PER3: variants seen among roughly 807,000 people sequenced by gnomAD.
PER3 encodes the protein period circadian protein homolog 3.
Under a neutral mutation model 127.2 loss-of-function variants are expected in PER3, and 107 were observed. The observed-to-expected ratio is 0.84, with a 90% CI of 0.72 to 0.99. The LOEUF (loss-of-function observed/expected upper bound fraction) is 0.99. Among genes scored for constraint, PER3 ranks in the 50% least tolerant of loss-of-function variants. PER3 has a pLI of 0.00. For missense variants in PER3, 1,560 were observed against 1,525.8 expected (o/e 1.02, Z -0.37); for synonymous variants, 618 against 585.8 (o/e 1.05, Z -0.79).
Position 7,844,851 on chromosome 1 carries a change from T to A in PER3, c.*2096T>A, listed in dbSNP as rs1460023242. ...CTTAAACTTTGTTGTTTAAATTTGT[T>A]AACTTTTTATATTAATGACTATTGA... is the stretch of plus-strand genomic sequence containing the variant. On this transcript the variant is annotated 3_prime_UTR_variant, in exon 22 of 22. Transcript: ENST00000377532. The A allele has an allele frequency of 1.3e-5, 2 of 152,346 alleles. No individual in the cohort carries two copies. The highest frequency in any genetic ancestry group is 1.5e-5 in the Non-Finnish European group (1 of 68,044). 9.4% of individuals were successfully genotyped at this position (152,346 alleles called of 1,614,324 possible).
intron 11 of PER3, among the ~76,000 whole-genome samples, chr1:7,809,564 A>C (rs2097209876): frequency 6.6e-6 from 1 of 152,152 alleles, no homozygotes; most frequent in South Asian, 2.1e-4. Context: ...ATATATAGTT[A>C]GTTTGTTCTC....
At chr1:7,794,112 T>C (rs981112973) in intron 6 of PER3, 104 bp downstream of exon 6, 1 of 930,290 alleles carries the variant, frequency 1.1e-6, no homozygotes, top group South Asian at 1.3e-5. Flanking sequence ...TGTTGCGAGA[T>C]ACAAAAAATA....
At chr1:7,797,580 G>A (rs960529921) in intron 6 of PER3, among the ~76,000 whole-genome samples, 4 of 151,536 alleles carry the variant, frequency 2.6e-5, no homozygotes, top group Non-Finnish European at 5.9e-5. Context: ...AGGTTGCAGT[G>A]AGCCAAGATT....
rs767114073 is a variant in PER3, at chr1:7,788,134, T to C, written c.480T>C (p.Asp160=). 6.2e-7 allele frequency: 1 copy of C among 1,613,866 alleles called. No individual in the cohort carries two copies. Reference sequence around the variant, plus strand: ...CTTTGATCCTGAATCGTAAGAAAGATGTCCTGGCGTCTTCTCACTTTGTTG... The same window carrying C: ...CTTTGATCCTGAATCGTAAGAAAGACGTCCTGGCGTCTTCTCACTTTGTTG... The part of the protein sequence containing the change: ...QAALILNRKK[D]VLASSHFVDL... The change falls in exon 5 of 22, where the codon GAT becomes GAC. Residue 160 remains aspartate, a synonymous_variant. Transcript: ENST00000377532.
rs1460174293 is a variant in PER3 at position 7,788,611 on chromosome 1, T to C, written c.592+365T>C. 3.9e-5 allele frequency: 8 copies of C among 206,350 alleles called. No individual in the cohort carries two copies. The South Asian group carries it at 5.2e-4, about 13-fold the overall frequency. The allele number at this position is 206,350 out of a possible 1,614,324, so 12.8% of individuals were successfully genotyped here. A position where few individuals can be genotyped will look rare whatever the true frequency, so the allele number is the denominator to read the frequency against. ...AGAAATTTTACTTTGGAGATAAAAT[T>C]TGGATCATTAGGCTGGGCAAGGTGG... On this transcript the variant is annotated intron_variant, in intron 5 of 21. Coordinates refer to ENST00000377532, the MANE Select transcript of PER3 (RefSeq NM_001377275.1).
At chr1:7,812,775 G>A (rs78754941) in intron 13 of PER3, among the ~76,000 whole-genome samples, 2 of 152,168 alleles carry the variant, frequency 1.3e-5, no homozygotes, top group Non-Finnish European at 2.9e-5. Context: ...GGAGAAGAAG[G>A]AAGATCTCTT....
At chr1:7,817,674 T>C (rs2097257718) in intron 13 of PER3, among the ~76,000 whole-genome samples, 2 of 152,156 alleles carry the variant, frequency 1.3e-5, no homozygotes, top group Admixed American at 1.3e-4. Flanking sequence ...CAGTGTGGAC[T>C]CATGCCCCTT....
chr1:7,807,719 G>A (rs939730627), intron 10 of PER3, among the ~76,000 whole-genome samples: 3 of 152,108 alleles, frequency 2.0e-5, no homozygotes, highest in Non-Finnish European at 4.4e-5. Context: ...TATGCCTCAC[G>A]AATGGGACTT....
intron 6 of PER3, among the ~76,000 whole-genome samples, chr1:7,797,300 G>A (rs533675894): frequency 1.3e-5 from 2 of 152,258 alleles, no homozygotes; most frequent in East Asian, 3.9e-4. Context: ...AGTTGAGGGT[G>A]CAGAGTGGGA....
intron 21 of PER3, among the ~76,000 whole-genome samples, chr1:7,841,023 AG>A (rs1292826909): frequency 1.3e-5 from 2 of 152,236 alleles, no homozygotes; most frequent in African/African-American, 4.8e-5. Flanking sequence ...GCCTATACCA[AG>A]GGTGTCCAAT....
At chr1:7,786,458 T>TG (rs1361925215) in intron 3 of PER3, among the ~76,000 whole-genome samples, 1 of 151,868 alleles carries the variant, frequency 6.6e-6, no homozygotes, top group Non-Finnish European at 1.5e-5. Flanking sequence ...GCAAAAAAAT[T>TG]GTGTATGCAT....
At chr1:7,835,525 G>T (rs2097353786) in intron 19 of PER3, among the ~76,000 whole-genome samples, 1 of 152,176 alleles carries the variant, frequency 6.6e-6, no homozygotes, top group Admixed American at 6.5e-5. Context: ...TATGGGTGAT[G>T]ATAAAGGACA....
intron 13 of PER3, among the ~76,000 whole-genome samples, chr1:7,816,396 G>A (rs779906557): frequency 2.6e-5 from 4 of 152,148 alleles, no homozygotes; most frequent in Non-Finnish European, 5.9e-5. Context: ...CACCCTGAAC[G>A]TACCCAATCT....
chr1:7,806,840 A>AT (rs575726504), intron 10 of PER3, among the ~76,000 whole-genome samples: 5 of 114,352 alleles, frequency 4.4e-5, no homozygotes, highest in East Asian at 4.4e-4. Flanking sequence ...TATATATTAC[A>AT]TACACACACA....
chr1:7,787,437 T>C (rs183818582), intron 4 of PER3: 1 of 454,208 alleles, frequency 2.2e-6, no homozygotes, highest in South Asian at 1.7e-5. Flanking sequence ...CCTAGTATTA[T>C]AACAGTGCTT....
In PER3 at chr1:7,810,551, A is replaced by G; in HGVS notation, c.1485A>G (p.Thr495=). 4.3e-6 allele frequency: 7 copies of G among 1,613,364 alleles called. No homozygotes were observed. The highest frequency in any genetic ancestry group is 5.9e-6 in the Non-Finnish European group (7 of 1,179,880). ...SSFKPVTGTR[T]EPNGGGESAN... is the part of the protein sequence containing the mutation. Reference sequence around the variant, plus strand: ...TCAAGCCAGTGACGGGGACACGCACAGAACCGAATGGTGGTGGTGAGTCAG... The same window carrying G: ...TCAAGCCAGTGACGGGGACACGCACGGAACCGAATGGTGGTGGTGAGTCAG... Residue 495 remains threonine (T), a synonymous_variant, in exon 13 of 22, where the codon ACA becomes ACG. Transcript: ENST00000377532.
chr1:7,830,284 T>A, intron 19 of PER3, 123 bp downstream of exon 19: 2 of 853,206 alleles, frequency 2.3e-6, no homozygotes, highest in Non-Finnish European at 3.6e-6. Context: ...TTTTTCCCTT[T>A]TTCCTTTTTG....
chr1:7,793,355 C>T (rs971386063), intron 5 of PER3, among the ~76,000 whole-genome samples: 4 of 152,140 alleles, frequency 2.6e-5, no homozygotes, highest in African/African-American at 9.7e-5. Flanking sequence ...AATGGAATTG[C>T]TAGCAAATCA....
intron 21 of PER3, among the ~76,000 whole-genome samples, chr1:7,838,784 C>T (rs901197389): frequency 6.6e-6 from 1 of 152,204 alleles, no homozygotes; most frequent in Non-Finnish European, 1.5e-5. Context: ...CTCTTGGTTA[C>T]TATCTGCATG....
Sources: gnomAD v4.1 joint callset for allele counts (sites outside exome capture counted in the v4.1 genomes callset) on GRCh38, gnomAD v4.1.1 for gene constraint, MANE v1.5 for transcripts, NCBI Gene and HGNC (gene_info 2026-07-23, HGNC 2026-07-21) for gene names.